VSTM2L: variants seen among roughly 807,000 people sequenced by gnomAD.
VSTM2L encodes V-set and transmembrane domain-containing protein 2-like protein.
A neutral mutation model predicts 19.9 loss-of-function variants in VSTM2L; 9 were observed. The observed-to-expected ratio is 0.45, with a 90% CI of 0.27 to 0.79. The LOEUF (loss-of-function observed/expected upper bound fraction) is 0.79. VSTM2L is among the 30% of genes least tolerant of loss of function. The pLI is 0.15. For missense variants in VSTM2L, 286 were observed against 295.5 expected (o/e 0.97, Z 0.24); for synonymous variants, 127 against 133.8 (o/e 0.95, Z 0.35).
intron 2 of VSTM2L, among the ~76,000 whole-genome samples, chr20:37,932,286 A>G (rs2072914844): frequency 6.6e-6 from 1 of 151,898 alleles, no homozygotes; most frequent in South Asian, 2.1e-4. Flanking sequence ...ACATGTGCTC[A>G]CCCCTCTACA....
At chr20:37,917,186 C>T (rs1182152229) in intron 1 of VSTM2L, among the ~76,000 whole-genome samples, 2 of 151,986 alleles carry the variant, frequency 1.3e-5, no homozygotes, top group Non-Finnish European at 2.9e-5. Context: ...TGGTGGAGGC[C>T]GCCTGTAATC....
At chr20:37,929,464 G>A (rs2072896688) in intron 1 of VSTM2L, among the ~76,000 whole-genome samples, 1 of 152,194 alleles carries the variant, frequency 6.6e-6, no homozygotes, top group Non-Finnish European at 1.5e-5. Flanking sequence ...GCTGGGCATG[G>A]TGGCTCATAC....
At chr20:37,904,724 AG>A (rs541398968) in intron 1 of VSTM2L, among the ~76,000 whole-genome samples, 147 of 152,206 alleles carry the variant, frequency 9.7e-4, no homozygotes, top group African/African-American at 3.4e-3. Flanking sequence ...GATGGGAGTG[AG>A]TGGGGGTAAG....
chr20:37,913,420 G>C (rs2072792000), intron 1 of VSTM2L, among the ~76,000 whole-genome samples: 1 of 152,186 alleles, frequency 6.6e-6, no homozygotes, highest in Non-Finnish European at 1.5e-5. Flanking sequence ...GCAGGGACAG[G>C]CTTGGATCCT....
At chr20:37,943,916 C>CA in intron 3 of VSTM2L, 65 bp from the exon 4 acceptor site, 1 of 850,884 alleles carries the variant, frequency 1.2e-6, no homozygotes, top group Non-Finnish European at 1.6e-6. Flanking sequence ...GGACCCCCCC[C>CA]CCCGACTCTT....
In VSTM2L at chr20:37,922,906, C is replaced by T. The variant is rs112909696; in HGVS notation, c.122-8729C>T. Among the ~76,000 whole-genome samples the T allele has an allele frequency of 9.9e-5, 15 of 151,318 alleles. No homozygotes were observed. The East Asian group carries it at 1.5e-3, about 16-fold the overall frequency. On this transcript the variant is annotated intron_variant, in intron 1 of 3. Transcript: ENST00000373461. ...TGGGTGAGGGGCTGCAGGGCCCACG[C>T]GTGAGTAAAATACAGATGCGCCCAA...
At chr20:37,912,311 G>A (rs1374621491) in intron 1 of VSTM2L, among the ~76,000 whole-genome samples, 1 of 152,244 alleles carries the variant, frequency 6.6e-6, no homozygotes, top group African/African-American at 2.4e-5. Flanking sequence ...GATTCTCACA[G>A]GGGTCAGTGA....
chr20:37,937,160 G>A (rs1211185930), intron 3 of VSTM2L, among the ~76,000 whole-genome samples: 1 of 152,174 alleles, frequency 6.6e-6, no homozygotes, highest in Non-Finnish European at 1.5e-5. Context: ...GGCAGAGGCT[G>A]CAGTGAGCCG....
intron 1 of VSTM2L, among the ~76,000 whole-genome samples, chr20:37,910,395 T>C (rs2072773306): frequency 6.6e-6 from 1 of 152,220 alleles, no homozygotes; most frequent in South Asian, 2.1e-4. Flanking sequence ...TGCTCCATAC[T>C]CTTCATACTG....
intron 3 of VSTM2L, 71 bp from the exon 4 acceptor site, chr20:37,943,910 C>T: frequency 8.0e-6 from 2 of 249,572 alleles, no homozygotes; most frequent in Non-Finnish European, 1.2e-5. Flanking sequence ...ATCTTGGGAC[C>T]CCCCCCCCCG....
rs749769419 is a variant in VSTM2L at position 37,931,695 on chromosome 20, C to G, written c.182C>G (p.Ala61Gly). The G allele has an allele frequency of 1.9e-6, 3 of 1,613,654 alleles. No individual in the cohort carries two copies. The highest frequency in any genetic ancestry group is 2.5e-6 in the Non-Finnish European group (3 of 1,180,032). ...CGGACGGGCGAGGACGTGGAGATGG[C>G]CTGCTCCTTCCGCGGCAGCGGCTCC... is the stretch of plus-strand genomic sequence containing the variant. ...TARTGEDVEMACSFRGSGSPS... is the reference protein window; with the variant it reads ...TARTGEDVEMGCSFRGSGSPS... The change falls in exon 2 of 4, where the codon GCC becomes GGC. Residue 61 changes from alanine to glycine, a missense_variant. By Grantham distance (60) the Ala-to-Gly change is moderately conservative. Coordinates refer to ENST00000373461, the MANE Select transcript of VSTM2L (RefSeq NM_080607.3).
rs2072731012 is a variant in VSTM2L, at chr20:37,903,217, C to A, written c.-134C>A. The A allele has an allele frequency of 1.7e-6, 2 of 1,148,330 alleles. No homozygotes were observed. Among genetic ancestry groups the A allele is most frequent in the South Asian group, 3.7e-5 (1 of 27,142 alleles). The allele number at this position is 1,148,330 out of a possible 1,614,324, so 71.1% of individuals were successfully genotyped here. ...CGAGGGCTGGGAGCTGGGCCGGGTCCGGGGACAGCGGGCGAGGGGCAGCTG... is the reference window on the plus strand; with the variant it reads ...CGAGGGCTGGGAGCTGGGCCGGGTCAGGGGACAGCGGGCGAGGGGCAGCTG... On this transcript the variant is annotated 5_prime_UTR_variant, in exon 1 of 4. Coordinates refer to ENST00000373461, the MANE Select transcript of VSTM2L (RefSeq NM_080607.3).
chr20:37,934,827 G>A (rs2072930529), intron 3 of VSTM2L, among the ~76,000 whole-genome samples: 1 of 152,164 alleles, frequency 6.6e-6, no homozygotes, highest in South Asian at 2.1e-4. Context: ...GGGCAAGAGA[G>A]CAAGGATCTT....
intron 1 of VSTM2L, among the ~76,000 whole-genome samples, chr20:37,929,604 T>C (rs2072897347): frequency 6.6e-6 from 1 of 152,146 alleles, no homozygotes; most frequent in African/African-American, 2.4e-5. Flanking sequence ...AAGGTACGTC[T>C]GGCTGCTGTG....
chr20:37,936,996 G>A (rs914326812), intron 3 of VSTM2L, among the ~76,000 whole-genome samples: 5 of 151,850 alleles, frequency 3.3e-5, no homozygotes, highest in African/African-American at 4.8e-5. Flanking sequence ...CAAGGTGGGC[G>A]GATCATCCGA....
intron 1 of VSTM2L, among the ~76,000 whole-genome samples, chr20:37,912,711 C>T (rs1009351709): frequency 2.0e-5 from 3 of 152,130 alleles, no homozygotes; most frequent in Non-Finnish European, 2.9e-5. Flanking sequence ...GAGTCAGAGC[C>T]GGGAGAGGGG....
At chr20:37,938,146 C>G (rs1274339162) in intron 3 of VSTM2L, among the ~76,000 whole-genome samples, 1 of 151,854 alleles carries the variant, frequency 6.6e-6, no homozygotes, top group African/African-American at 2.4e-5. Context: ...CTGGACCTTG[C>G]TTTTGCCAGT....
intron 3 of VSTM2L, among the ~76,000 whole-genome samples, chr20:37,939,873 G>A (rs561634305): frequency 4.4e-4 from 67 of 152,308 alleles, no homozygotes; most frequent in African/African-American, 1.4e-3. Flanking sequence ...CCTCCCTGCG[G>A]TGCTCCCTGC....
At chr20:37,921,549 G>GACTAGAATCTCCTGCCTTTA (rs1426141405) in intron 1 of VSTM2L, among the ~76,000 whole-genome samples, 9 of 152,310 alleles carry the variant, frequency 5.9e-5, no homozygotes, top group African/African-American at 1.7e-4. Context: ...GCAGTGAACA[G>GACTAGAATCTCCTGCCTTTA]ACTAGAATCT....
Sources: gnomAD v4.1 joint callset for allele counts (sites outside exome capture counted in the v4.1 genomes callset) on GRCh38, gnomAD v4.1.1 for gene constraint, MANE v1.5 for transcripts, NCBI Gene and HGNC (gene_info 2026-07-23, HGNC 2026-07-21) for gene names.